The following FBXL13 variants were observed in gnomAD, a reference collection of about 807,000 sequenced individuals.
FBXL13 encodes F-box and leucine-rich repeat protein 13.
FBXL13 carries 67 observed loss-of-function variants against 83.6 expected under a neutral mutation model. That is an observed-to-expected ratio of 0.80 (90% CI 0.66 to 0.98). The LOEUF (loss-of-function observed/expected upper bound fraction) is 0.98. Ranked by LOEUF, FBXL13 falls within the 50% of genes least tolerant of loss-of-function variation. The pLI is 0.00. For missense variants in FBXL13, 822 were observed against 866.5 expected (o/e 0.95, Z 0.64); for synonymous variants, 272 against 299.5 (o/e 0.91, Z 0.95).
intron 11 of FBXL13, among the ~76,000 whole-genome samples, chr7:102,909,801 C>T (rs773483949): frequency 3.3e-5 from 5 of 152,198 alleles, no homozygotes; most frequent in Admixed American, 2.6e-4. Context: ...TTCTCCTCTC[C>T]TCAAGGGAAA....
chr7:103,056,003 C>T (rs1797295729), intron 1 of FBXL13, among the ~76,000 whole-genome samples: 1 of 152,000 alleles, frequency 6.6e-6, no homozygotes, highest in African/African-American at 2.4e-5. Context: ...CCTCAAACCC[C>T]TCCCACTCTT....
intron 14 of FBXL13, among the ~76,000 whole-genome samples, chr7:102,881,561 AGT>A (rs113934324): frequency 1.5e-5 from 2 of 131,460 alleles, no homozygotes; most frequent in Non-Finnish European, 3.1e-5. Flanking sequence ...TTGTGTATGT[AGT>A]GTGTGTGTGT....
chr7:102,867,376 C>G (rs1239563110), intron 16 of FBXL13, among the ~76,000 whole-genome samples: 1 of 143,526 alleles, frequency 7.0e-6, no homozygotes, highest in Non-Finnish European at 1.5e-5. Context: ...CCCAAACAAA[C>G]AAACAAAAAA....
intron 6 of FBXL13, among the ~76,000 whole-genome samples, chr7:102,998,840 T>A (rs1350905332): frequency 6.6e-6 from 1 of 151,738 alleles, no homozygotes; most frequent in Non-Finnish European, 1.5e-5. Context: ...TAATTAAAAT[T>A]AAAAATATAA....
chr7:102,855,725 A>C (rs941640927), intron 16 of FBXL13, among the ~76,000 whole-genome samples: 2 of 150,882 alleles, frequency 1.3e-5, no homozygotes, highest in Non-Finnish European at 2.9e-5. Flanking sequence ...TGACACATAG[A>C]TTTGTCCTTT....
chr7:102,980,036 A>G (rs776941752), intron 6 of FBXL13, among the ~76,000 whole-genome samples: 3 of 152,258 alleles, frequency 2.0e-5, no homozygotes, highest in Non-Finnish European at 4.4e-5. Context: ...TAAGATGTCA[A>G]TACTATCTAA....
At chr7:103,039,545 T>G (rs1167466134) in intron 2 of FBXL13, among the ~76,000 whole-genome samples, 1 of 151,538 alleles carries the variant, frequency 6.6e-6, no homozygotes, top group Non-Finnish European at 1.5e-5. Flanking sequence ...AAGGTTGAAA[T>G]GAGGGAAAAA....
At chr7:102,870,696 C>A (rs1808409183) in intron 16 of FBXL13, among the ~76,000 whole-genome samples, 1 of 152,110 alleles carries the variant, frequency 6.6e-6, no homozygotes, top group African/African-American at 2.4e-5. Flanking sequence ...AGAGCAGGGG[C>A]ATGAGGTGGT....
intron 11 of FBXL13, among the ~76,000 whole-genome samples, chr7:102,886,531 A>T (rs1810816342): frequency 6.6e-6 from 1 of 152,208 alleles, no homozygotes; most frequent in Non-Finnish European, 1.5e-5. Flanking sequence ...CCCTTAGATT[A>T]GACCAGTTTC....
At chr7:102,908,388 C>T (rs2129467939) in intron 11 of FBXL13, among the ~76,000 whole-genome samples, 1 of 152,324 alleles carries the variant, frequency 6.6e-6, no homozygotes, top group South Asian at 2.1e-4. Context: ...TTACATATCT[C>T]TGTTTCTCCA....
At chr7:103,048,555 T>C (rs1796508479) in intron 2 of FBXL13, among the ~76,000 whole-genome samples, 1 of 152,178 alleles carries the variant, frequency 6.6e-6, no homozygotes, top group African/African-American at 2.4e-5. Flanking sequence ...TAATAAAACC[T>C]CACAGACAAA....
At chr7:102,958,860 TA>T (rs1373331268) in intron 8 of FBXL13, among the ~76,000 whole-genome samples, 2 of 152,084 alleles carry the variant, frequency 1.3e-5, no homozygotes, top group East Asian at 3.9e-4. Flanking sequence ...ACAGCTGCTG[TA>T]AAGGTGAAAA....
intron 6 of FBXL13, among the ~76,000 whole-genome samples, chr7:103,013,353 G>A (rs1791866881): frequency 6.6e-6 from 1 of 151,998 alleles, no homozygotes; most frequent in Non-Finnish European, 1.5e-5. Context: ...TCTGCACATG[G>A]CCCATACTCT....
At chr7:102,946,609 C>T (rs190964620) in intron 8 of FBXL13, among the ~76,000 whole-genome samples, 14 of 152,126 alleles carry the variant, frequency 9.2e-5, no homozygotes, top group South Asian at 4.2e-4. Context: ...CCAGAGCTAA[C>T]GCTTCAGTAA....
At chr7:102,981,677 TAC>T (rs1828244650) in intron 6 of FBXL13, among the ~76,000 whole-genome samples, 1 of 152,204 alleles carries the variant, frequency 6.6e-6, no homozygotes, top group Non-Finnish European at 1.5e-5. Flanking sequence ...TCCTGGTTTA[TAC>T]ACAGTCATTT....
Position 102,942,386 on chromosome 7 carries a change from G to A in FBXL13, c.725-10453C>T, listed in dbSNP as rs903671788. ...TGGGAGTTGCCAGACTTTAAAAGAC[G>A]TGAATAACAATCATATAAAATGCCA... On this transcript the variant is annotated intron_variant, in intron 8 of 19. Coordinates refer to ENST00000313221, the Ensembl canonical transcript of FBXL13. 32 of 1,465,398 alleles carry A rather than the reference G, an allele frequency of 2.2e-5. No homozygotes were observed. In the African/African-American group the frequency reaches 3.2e-4, roughly 14 times the overall value. The allele number at this position is 1,465,398 out of a possible 1,614,324, so 90.8% of individuals were successfully genotyped here. A position where few individuals can be genotyped will look rare whatever the true frequency, so the allele number is the denominator to read the frequency against.
At chr7:102,941,124 C>T (rs1178937796) in intron 8 of FBXL13, among the ~76,000 whole-genome samples, 1 of 152,180 alleles carries the variant, frequency 6.6e-6, no homozygotes, top group African/African-American at 2.4e-5. Flanking sequence ...CAGTATGCTA[C>T]ACTTATACCT....
At chr7:102,845,302 G>A (rs1293842961) in intron 17 of FBXL13, among the ~76,000 whole-genome samples, 1 of 152,152 alleles carries the variant, frequency 6.6e-6, no homozygotes, top group South Asian at 2.1e-4. Context: ...TAGGAGTTCT[G>A]CATCAGGAAC....
chr7:102,874,463 A>G (rs1808956874), intron 16 of FBXL13: 1 of 499,182 alleles, frequency 2.0e-6, no homozygotes, highest in African/African-American at 2.1e-5. Flanking sequence ...ATACTTCCCC[A>G]TAGATATCCA....
Sources: allele counts gnomAD v4.1 joint callset (sites outside exome capture counted in the v4.1 genomes callset), GRCh38; gene constraint gnomAD v4.1.1; transcripts MANE v1.5; gene names NCBI Gene and HGNC (gene_info 2026-07-23, HGNC 2026-07-21).